The following SH3RF3 variants were observed in gnomAD, a reference collection of about 807,000 sequenced individuals.
SH3RF3 encodes E3 ubiquitin-protein ligase SH3RF3.
SH3RF3 carries 29 observed loss-of-function variants against 66.3 expected under a neutral mutation model. That is an observed-to-expected ratio of 0.44 (90% CI 0.33 to 0.60). The LOEUF (loss-of-function observed/expected upper bound fraction) is 0.60, where lower values mean the gene tolerates loss of function less well. Among genes scored for constraint, SH3RF3 ranks in the 20% least tolerant of loss-of-function variants. The pLI is 0.04. For missense variants in SH3RF3, 1,194 were observed against 1,190.9 expected (o/e 1.00, Z -0.04); for synonymous variants, 583 against 532.0 (o/e 1.10, Z -1.32).
intron 2 of SH3RF3, among the ~76,000 whole-genome samples, chr2:109,361,020 A>G (rs1683042321): frequency 6.6e-6 from 1 of 152,112 alleles, no homozygotes; most frequent in African/African-American, 2.4e-5. Context: ...GTTTACTGAG[A>G]GTTTTTATCA....
At chr2:109,496,670 A>G (rs1383629387) in intron 9 of SH3RF3, among the ~76,000 whole-genome samples, 1 of 152,286 alleles carries the variant, frequency 6.6e-6, no homozygotes, top group Admixed American at 6.5e-5. Flanking sequence ...TTAGGATTTC[A>G]GCGTTCCTTG....
chr2:109,390,496 T>G (rs1675957254), intron 3 of SH3RF3, among the ~76,000 whole-genome samples: 1 of 151,204 alleles, frequency 6.6e-6, no homozygotes, highest in African/African-American at 2.5e-5. Flanking sequence ...GAAATGACAA[T>G]GTAGATTGCC....
chr2:109,398,665 C>G lies in SH3RF3; in HGVS notation c.1021C>G (p.Leu341Val). Residue 341 changes from leucine to valine, a missense_variant, in exon 4 of 10, where the codon CTG (leucine) becomes GTG (valine). Physicochemically the swap from Leu to Val is conservative, Grantham distance 32 (BLOSUM62 1). Coordinates refer to ENST00000309415, the MANE Select transcript of SH3RF3 (RefSeq NM_001099289.3). The stretch of plus-strand genomic sequence containing the variant: ...CGCTGCATCCAGCTGCAATGCCTCC[C>G]TGCCCTCTGACTCCGGCGCTGTGGC... ...PAAASSCNAS[L>V]PSDSGAVASV... The G allele has an allele frequency of 6.2e-7, 1 of 1,607,496 alleles. No homozygotes were observed. Among genetic ancestry groups the G allele is most frequent in the Non-Finnish European group, 8.5e-7 (1 of 1,177,392 alleles).
chr2:109,354,967 A>G (rs948702747), intron 2 of SH3RF3, among the ~76,000 whole-genome samples: 3 of 152,154 alleles, frequency 2.0e-5, no homozygotes. Context: ...CTTTATGTTC[A>G]TAGCTCAGGC....
intron 4 of SH3RF3, among the ~76,000 whole-genome samples, chr2:109,418,448 C>A (rs1384848129): frequency 1.3e-5 from 2 of 152,140 alleles, no homozygotes; most frequent in Non-Finnish European, 2.9e-5. Flanking sequence ...GGAGTCTGTT[C>A]CGGGGCTCCC....
chr2:109,376,089 G>A (rs1683375261), intron 3 of SH3RF3, among the ~76,000 whole-genome samples: 1 of 152,260 alleles, frequency 6.6e-6, no homozygotes, highest in Non-Finnish European at 1.5e-5. Flanking sequence ...AGAGAGCACT[G>A]TCCTGTGCTG....
At chr2:109,396,758 GC>G (rs148977277) in intron 3 of SH3RF3, among the ~76,000 whole-genome samples, 2,100 of 152,322 alleles carry the variant, frequency 0.014, 60 homozygotes, top group African/African-American at 0.047. Context: ...ACATGCAAGG[GC>G]TTAGCCTATA....
Position 109,251,348 on chromosome 2 carries a change from C to T in SH3RF3, c.574-96326C>T, listed in dbSNP as rs140146770. 5.6e-5 allele frequency: 31 copies of T among 551,062 alleles called. No homozygotes were observed. The East Asian group carries it at 7.4e-4, about 13-fold the overall frequency. The allele number at this position is 551,062 out of a possible 1,614,324, so 34.1% of individuals were successfully genotyped here. ...AAGAATTAGAGAGATGCAAGACACC[C>T]GGCCTGCCGCGGGAGCATGAGGGAG... On this transcript the variant is annotated intron_variant, in intron 1 of 9. Coordinates refer to ENST00000309415, the MANE Select transcript of SH3RF3 (RefSeq NM_001099289.3).
intron 8 of SH3RF3, among the ~76,000 whole-genome samples, chr2:109,474,660 T>C (rs1678630119): frequency 6.6e-6 from 1 of 152,236 alleles, no homozygotes; most frequent in African/African-American, 2.4e-5. Context: ...TGGTCTGCCC[T>C]GGACAGCATC....
chr2:109,478,694 GGA>G lies in SH3RF3; in HGVS notation c.2149-11905_2149-11904del, dbSNP rs1200522801. Among the ~76,000 whole-genome samples, 11 of 152,186 alleles carry G rather than the reference GGA, an allele frequency of 7.2e-5. No individual in the cohort carries two copies. In the East Asian group the frequency reaches 1.3e-3, roughly 19 times the overall value. On this transcript the variant is annotated intron_variant, in intron 8 of 9. Transcript: ENST00000309415. ...TCAAAAATACGGTGTGGTGGGGAAG[GGA>G]GAGAGGGGGAGAGTCTGAGCTCGTA... is the stretch of plus-strand genomic sequence containing the variant.
chr2:109,463,594 G>A (rs1326575030), intron 8 of SH3RF3, among the ~76,000 whole-genome samples: 2 of 152,296 alleles, frequency 1.3e-5, no homozygotes, highest in East Asian at 1.9e-4. Flanking sequence ...TCTGATTATT[G>A]TGCAACTTGG....
intron 8 of SH3RF3, among the ~76,000 whole-genome samples, chr2:109,476,425 C>T (rs1678684547): frequency 1.3e-5 from 2 of 152,202 alleles, no homozygotes; most frequent in South Asian, 4.1e-4. Context: ...TGGGTAGCCC[C>T]AGGGGAGGTA....
intron 2 of SH3RF3, among the ~76,000 whole-genome samples, chr2:109,367,474 G>A (rs979815813): frequency 6.6e-6 from 1 of 151,764 alleles, no homozygotes; most frequent in East Asian, 1.9e-4. Context: ...TAGAAACGGG[G>A]TTTCACCATG....
At chr2:109,155,052 C>T (rs975907426) in intron 1 of SH3RF3, among the ~76,000 whole-genome samples, 1 of 152,184 alleles carries the variant, frequency 6.6e-6, no homozygotes, top group Non-Finnish European at 1.5e-5. Flanking sequence ...CTGGTGTGCT[C>T]ATGGAAGCTG....
chr2:109,301,632 T>C (rs1681471815), intron 1 of SH3RF3, among the ~76,000 whole-genome samples: 1 of 152,176 alleles, frequency 6.6e-6, no homozygotes, highest in African/African-American at 2.4e-5. Flanking sequence ...TCTCCCCACC[T>C]CAGGCCATGC....
intron 1 of SH3RF3, among the ~76,000 whole-genome samples, chr2:109,211,952 A>G (rs768529362): frequency 6.6e-6 from 1 of 152,102 alleles, no homozygotes; most frequent in Non-Finnish European, 1.5e-5. Context: ...CCCTTCCCAC[A>G]TTTCTGTTAC....
chr2:109,219,133 C>G (rs985984416), intron 1 of SH3RF3, among the ~76,000 whole-genome samples: 2 of 152,212 alleles, frequency 1.3e-5, no homozygotes, highest in African/African-American at 4.8e-5. Context: ...AGTTCCACCT[C>G]TCTCGCTCAC....
chr2:109,253,893 T>C lies in SH3RF3; in HGVS notation c.574-93781T>C, dbSNP rs181456950. 2.6e-3 allele frequency among the ~76,000 whole-genome samples: 399 copies of C among 152,236 alleles called. 2 individuals are homozygous for C. The Middle Eastern group carries it at 0.031, about 12-fold the overall frequency. ...TATGAGTATTTTTTCTTGAACTGCATTTTCTTCTTTCTAAAAGCATGGAAG... is the reference window on the plus strand; with the variant it reads ...TATGAGTATTTTTTCTTGAACTGCACTTTCTTCTTTCTAAAAGCATGGAAG... On this transcript the variant is annotated intron_variant, in intron 1 of 9. Transcript: ENST00000309415.
intron 1 of SH3RF3, among the ~76,000 whole-genome samples, chr2:109,255,466 G>A (rs541123679): frequency 6.6e-6 from 1 of 152,276 alleles, no homozygotes; most frequent in South Asian, 2.1e-4. Context: ...GTTGGACTGG[G>A]GTTCGTATTA....
Sources: gnomAD v4.1 joint callset for allele counts (sites outside exome capture counted in the v4.1 genomes callset) on GRCh38, gnomAD v4.1.1 for gene constraint, MANE v1.5 for transcripts, NCBI Gene and HGNC (gene_info 2026-07-23, HGNC 2026-07-21) for gene names.